The following POLA2 variants were observed in gnomAD, a reference collection of about 807,000 sequenced individuals.
POLA2 encodes the protein DNA polymerase alpha 2, accessory subunit, also known as DNA polymerase alpha subunit B.
POLA2 carries 47 observed loss-of-function variants against 82.8 expected under a neutral mutation model. That is an observed-to-expected ratio of 0.57 (90% CI 0.45 to 0.72). The LOEUF is 0.72. Ranked by LOEUF, POLA2 falls within the 30% of genes least tolerant of loss-of-function variation. POLA2 has a pLI of 0.00. For synonymous variants in POLA2, 287 were observed against 286.8 expected, an observed-to-expected ratio of 1.00 and a Z score of -0.01; for missense variants, 634 against 728.1, an observed-to-expected ratio of 0.87 and a Z score of 1.49.
At chr11:65,270,506 C>G (rs596925) in intron 4 of POLA2, among the ~76,000 whole-genome samples, 4,055 of 152,230 alleles carry the variant, frequency 0.027, 121 homozygotes, top group Non-Finnish European at 0.033. Flanking sequence ...ATTGGAGAGA[C>G]TATAACTCAT....
chr11:65,289,973 G>C, intron 13 of POLA2, 101 bp downstream of exon 13: 1 of 739,416 alleles, frequency 1.4e-6, no homozygotes, highest in South Asian at 1.6e-5. Flanking sequence ...GCAGGGCCAG[G>C]CTCAGTGGAT....
intron 15 of POLA2, among the ~76,000 whole-genome samples, 167 bp from the exon 16 acceptor site, chr11:65,295,373 T>C (rs1949798909): frequency 6.6e-6 from 1 of 152,198 alleles, no homozygotes; most frequent in East Asian, 1.9e-4. Context: ...GGGGACAGAC[T>C]GAGCTCCTTG....
chr11:65,304,917 G>A (rs1949878740), intron 8 of POLA2, among the ~76,000 whole-genome samples: 1 of 152,102 alleles, frequency 6.6e-6, no homozygotes, highest in East Asian at 1.9e-4. Flanking sequence ...TCACCATGTG[G>A]TGTGGAGAAT....
Position 65,297,331 on chromosome 11 carries a change from A to T in POLA2, c.*62A>T. On this transcript the variant is annotated 3_prime_UTR_variant, in exon 18 of 18. Coordinates refer to ENST00000265465, the MANE Select transcript of POLA2 (RefSeq NM_002689.4). ...CTTAAAGTCTTAGCCAAGAGCCAAG[A>T]CATAGCCCTGTGACAAGGTGAACAG... is the stretch of plus-strand genomic sequence containing the variant. 6.7e-7 allele frequency: 1 copy of T among 1,497,602 alleles called. No individual in the cohort carries two copies. The highest frequency in any genetic ancestry group is 8.9e-7 in the Non-Finnish European group (1 of 1,124,600). The allele number at this position is 1,497,602 out of a possible 1,614,324, so 92.8% of individuals were successfully genotyped here.
At position 65,262,269 on chromosome 11, in the gene POLA2, C is replaced by T. The variant is rs748047486; in HGVS notation, c.-24C>T. ...CAGGTCGGAGCTGGGTGGGCCGGCT[C>T]CCCGGCCCCTGGCTTGGGCGACCAT... On this transcript the variant is annotated 5_prime_UTR_variant, in exon 1 of 18. Coordinates refer to ENST00000265465, the MANE Select transcript of POLA2 (RefSeq NM_002689.4). The T allele has an allele frequency of 7.5e-6, 12 of 1,598,678 alleles. No individual in the cohort carries two copies. Among genetic ancestry groups the T allele is most frequent in the Non-Finnish European group, 9.4e-6 (11 of 1,169,544 alleles).
intron 4 of POLA2, among the ~76,000 whole-genome samples, chr11:65,272,965 C>T (rs601310): frequency 0.62 from 92,611 of 150,276 alleles, 31,605 homozygotes; most frequent in Middle Eastern, 0.79. Flanking sequence ...GAGCTGAGAT[C>T]GTGCCACTGC....
At chr11:65,295,240 A>G (rs1949797512) in intron 15 of POLA2, among the ~76,000 whole-genome samples, 1 of 152,176 alleles carries the variant, frequency 6.6e-6, no homozygotes, top group African/African-American at 2.4e-5. Flanking sequence ...CCGCCTCATG[A>G]TGGTGCCAAC....
At chr11:65,303,419 G>A (rs1222976258), downstream of POLA2, among the ~76,000 whole-genome samples, 1 of 152,004 alleles carries the variant, frequency 6.6e-6, no homozygotes, top group Non-Finnish European at 1.5e-5. Flanking sequence ...CAATTTGGGA[G>A]GCTGAGGCAG....
At chr11:65,269,501 AAAC>A (rs571846285) in intron 4 of POLA2, among the ~76,000 whole-genome samples, 6 of 147,644 alleles carry the variant, frequency 4.1e-5, no homozygotes, top group African/African-American at 9.8e-5. Context: ...AAAAAAAAAA[AAAC>A]AACAACAACA....
rs967718474 is a variant in POLA2 at position 65,287,619 on chromosome 11, G to C, written c.1007-97G>C. 1.3e-5 allele frequency: 14 copies of C among 1,119,604 alleles called. No individual in the cohort carries two copies. In the African/African-American group the frequency reaches 1.4e-4, roughly 11 times the overall value. The allele number at this position is 1,119,604 out of a possible 1,614,324, so 69.4% of individuals were successfully genotyped here. A position where few individuals can be genotyped will look rare whatever the true frequency, so the allele number is the denominator to read the frequency against. On this transcript the variant is annotated intron_variant, in intron 10 of 17. Transcript: ENST00000265465. Reference sequence around the variant, plus strand: ...GAGTTTCACACATAAAGGACTCAATGAGTTAAATCCTGTGGCATTTCCCAT... The same window carrying C: ...GAGTTTCACACATAAAGGACTCAATCAGTTAAATCCTGTGGCATTTCCCAT...
chr11:65,269,162 T>C (rs1168056445), intron 4 of POLA2, among the ~76,000 whole-genome samples: 1 of 152,088 alleles, frequency 6.6e-6, no homozygotes, highest in Non-Finnish European at 1.5e-5. Context: ...ATCCATAATA[T>C]CAGGATTCAT....
At chr11:65,283,577 C>A (rs573480917) in intron 10 of POLA2, among the ~76,000 whole-genome samples, 113 of 152,008 alleles carry the variant, frequency 7.4e-4, no homozygotes, top group Non-Finnish European at 1.3e-3. Context: ...TCAGGTGATT[C>A]TCCTGCCTCA....
intron 4 of POLA2, among the ~76,000 whole-genome samples, chr11:65,270,600 C>T (rs1949511400): frequency 6.6e-6 from 1 of 152,026 alleles, no homozygotes; most frequent in Non-Finnish European, 1.5e-5. Flanking sequence ...GGCCAAGAAC[C>T]TTGGAGACCT....
intron 11 of POLA2, 39 bp downstream of exon 11, chr11:65,287,879 G>C: frequency 6.3e-7 from 1 of 1,592,954 alleles, no homozygotes; most frequent in Non-Finnish European, 8.6e-7. Context: ...AGTCAGCCTT[G>C]GAAAATGGCT....
At chr11:65,269,370 C>G (rs1949497084) in intron 4 of POLA2, among the ~76,000 whole-genome samples, 1 of 151,892 alleles carries the variant, frequency 6.6e-6, no homozygotes, top group Non-Finnish European at 1.5e-5. Flanking sequence ...GCCTGTAGTC[C>G]CAGCTACTTG....
rs985035255 is a variant in POLA2, at chr11:65,278,808, A to G, written c.540A>G (p.Val180=). The change falls in exon 6 of 18, where the codon GTA becomes GTG. Residue 180 remains valine (V), a synonymous_variant. Coordinates refer to ENST00000265465, the MANE Select transcript of POLA2 (RefSeq NM_002689.4). ...CCTCCTTCGGCTTAGCACAGGGAGT[A>G]TCTTGGTCTGGGAGAGGAGGAGCTG... ...VVTSFGLAQG[V]SWSGRGGAGN... The G allele has an allele frequency of 5.0e-6, 8 of 1,613,762 alleles. No homozygotes were observed. The highest frequency in any genetic ancestry group is 2.2e-5 in the South Asian group (2 of 91,076).
chr11:65,304,991 A>G (rs1288207462), intron 8 of POLA2, among the ~76,000 whole-genome samples: 2 of 68,300 alleles, frequency 2.9e-5, no homozygotes, highest in African/African-American at 5.6e-5. Context: ...CCCCACCCCC[A>G]CCCTGTCACC....
chr11:65,267,299 A>G (rs1419962796), intron 2 of POLA2, among the ~76,000 whole-genome samples, 178 bp from the exon 3 acceptor site: 3 of 152,150 alleles, frequency 2.0e-5, no homozygotes, highest in African/African-American at 7.2e-5. Context: ...TAGGATTGTT[A>G]TATGTTATAG....
chr11:65,274,229 G>A (rs1949552263), intron 4 of POLA2, among the ~76,000 whole-genome samples: 2 of 152,004 alleles, frequency 1.3e-5, no homozygotes, highest in African/African-American at 4.8e-5. Context: ...GTGCATGCCT[G>A]TAGTCCCAGC....
Sources: gnomAD v4.1 joint callset for allele counts (sites outside exome capture counted in the v4.1 genomes callset) on GRCh38, gnomAD v4.1.1 for gene constraint, MANE v1.5 for transcripts, NCBI Gene and HGNC (gene_info 2026-07-23, HGNC 2026-07-21) for gene names.